Variants in TIAM1 observed in about 807,000 individuals in gnomAD.
TIAM1 encodes rho guanine nucleotide exchange factor TIAM1.
A neutral mutation model predicts 163.5 loss-of-function variants in TIAM1; 65 were observed. The observed-to-expected ratio is 0.40, with a 90% CI of 0.33 to 0.49. The LOEUF (loss-of-function observed/expected upper bound fraction) is 0.49. Among genes scored for constraint, TIAM1 ranks in the 20% least tolerant of loss-of-function variants. The pLI is 0.77. For synonymous variants in TIAM1, 833 were observed against 810.1 expected (o/e 1.03, Z -0.48); for missense variants, 1,789 against 2,044.7 (o/e 0.87, Z 2.41).
At chr21:31,365,715 G>A (rs754946001) in intron 2 of TIAM1, among the ~76,000 whole-genome samples, 2 of 151,908 alleles carry the variant, frequency 1.3e-5, no homozygotes, top group Non-Finnish European at 2.9e-5. Context: ...TAAATCTTCA[G>A]CACTTGGCAT....
intron 6 of TIAM1, among the ~76,000 whole-genome samples, chr21:31,227,130 T>C (rs961473933): frequency 4.6e-5 from 7 of 151,892 alleles, no homozygotes; most frequent in African/African-American, 1.5e-4. Flanking sequence ...CTAAGTTTTA[T>C]ATTTTTAGTA....
chr21:31,539,186 T>G (rs990993611), intron 1 of TIAM1, among the ~76,000 whole-genome samples: 1 of 151,684 alleles, frequency 6.6e-6, no homozygotes. Flanking sequence ...TTAAATGGTC[T>G]CGACTAAATA....
intron 2 of TIAM1, among the ~76,000 whole-genome samples, chr21:31,429,071 C>T (rs949064300): frequency 1.3e-5 from 2 of 151,220 alleles, no homozygotes; most frequent in Admixed American, 6.6e-5. Context: ...GCGATCATGC[C>T]TCACTGCAAC....
intron 6 of TIAM1, among the ~76,000 whole-genome samples, chr21:31,227,276 T>C (rs1215864470): frequency 2.0e-5 from 3 of 152,078 alleles, no homozygotes; most frequent in Admixed American, 6.6e-5. Flanking sequence ...CAACATTCTA[T>C]TAACAGGAAC....
chr21:31,370,081 C>T (rs2076570800), intron 2 of TIAM1, among the ~76,000 whole-genome samples: 1 of 152,156 alleles, frequency 6.6e-6, no homozygotes, highest in Admixed American at 6.5e-5. Flanking sequence ...GGAAGCAGGC[C>T]CTCACCAGGC....
chr21:31,175,890 C>T (rs907697535), intron 15 of TIAM1, among the ~76,000 whole-genome samples: 2 of 152,254 alleles, frequency 1.3e-5, no homozygotes, highest in East Asian at 1.9e-4. Flanking sequence ...TGAGCCACTG[C>T]GCCCGGCCTA....
rs116323141 is a variant in TIAM1, at chr21:31,552,435, C to T, written c.-422+6492G>A. Among the ~76,000 whole-genome samples the T allele has an allele frequency of 1.9e-3, 287 of 152,218 alleles. 1 individual carries two copies. Among genetic ancestry groups the T allele is most frequent in the African/African-American group, 6.6e-3 (273 of 41,532 alleles). On this transcript the variant is annotated intron_variant, in intron 1 of 28. Transcript: ENST00000286827. ...ACTCAAGTTTGATAGACAAAAACTG[C>T]GTCCCTACTACAAAGGTAGCTGAGA...
At chr21:31,212,446 A>T (rs1035807964) in intron 10 of TIAM1, among the ~76,000 whole-genome samples, 1 of 152,118 alleles carries the variant, frequency 6.6e-6, no homozygotes, top group Non-Finnish European at 1.5e-5. Context: ...GGCTCCCAGT[A>T]TCACTACTAG....
chr21:31,466,734 CCTT>C (rs1351094296), intron 1 of TIAM1, among the ~76,000 whole-genome samples: 1 of 152,188 alleles, frequency 6.6e-6, no homozygotes, highest in Non-Finnish European at 1.5e-5. Flanking sequence ...CCACATAACA[CCTT>C]CTAGTTTCTC....
intron 2 of TIAM1, among the ~76,000 whole-genome samples, chr21:31,418,900 G>A (rs547889996): frequency 1.1e-3 from 169 of 152,292 alleles, no homozygotes; most frequent in Non-Finnish European, 2.1e-3. Flanking sequence ...AGAAAAAGGA[G>A]TCAAGGTCAC....
At chr21:31,310,335 G>T (rs913114781) in intron 2 of TIAM1, among the ~76,000 whole-genome samples, 1 of 152,156 alleles carries the variant, frequency 6.6e-6, no homozygotes. Flanking sequence ...TTGGGTCCTT[G>T]TATGACCACA....
intron 8 of TIAM1, among the ~76,000 whole-genome samples, chr21:31,222,698 TATATA>T (rs1329830685): frequency 1.4e-3 from 60 of 41,490 alleles, no homozygotes; most frequent in African/African-American, 4.8e-3. Context: ...TATATATATA[TATATA>T]TATATTTTTT....
At position 31,120,308 on chromosome 21, in the gene TIAM1, G is replaced by A. The variant is rs899226396; in HGVS notation, c.*60C>T. ...GACATTCTTGTCGACGGTACAGGAG[G>A]GTGGGCAGAGTTAGGGCAGGAAGTA... On this transcript the variant is annotated 3_prime_UTR_variant, in exon 28 of 28. Transcript: ENST00000541036. The surrounding 1 kb of genome is among the most constrained non-coding windows in gnomAD (Gnocchi z 4.2). The A allele has an allele frequency of 2.8e-5, 42 of 1,490,784 alleles. No individual in the cohort carries two copies. The highest frequency in any genetic ancestry group is 4.0e-5 in the South Asian group (3 of 75,588). The allele number at this position is 1,490,784 out of a possible 1,614,324, so 92.3% of individuals were successfully genotyped here. A position where few individuals can be genotyped will look rare whatever the true frequency, so the allele number is the denominator to read the frequency against.
chr21:31,306,284 T>TA (rs552648285), intron 2 of TIAM1, among the ~76,000 whole-genome samples: 100 of 144,252 alleles, frequency 6.9e-4, no homozygotes, highest in African/African-American at 1.6e-3. Flanking sequence ...ACCCTGTCTC[T>TA]AAAAAAAAAA....
chr21:31,169,364 T>A (rs944922155), intron 15 of TIAM1, among the ~76,000 whole-genome samples: 1 of 151,918 alleles, frequency 6.6e-6, no homozygotes, highest in African/African-American at 2.4e-5. Flanking sequence ...CCAGGTAAAT[T>A]AATAGAATTT....
rs76884305 is a variant in TIAM1, at chr21:31,209,915, C to T, written c.2388+130G>A. 2,606 of 919,426 alleles carry T rather than the reference C, an allele frequency of 2.8e-3. 22 individuals are homozygous for T. Among genetic ancestry groups the T allele is most frequent in the African/African-American group, 0.023 (1,412 of 60,102 alleles). The allele number at this position is 919,426 out of a possible 1,614,324, so 57.0% of individuals were successfully genotyped here. On this transcript the variant is annotated intron_variant, in intron 11 of 27. Transcript: ENST00000541036. The stretch of plus-strand genomic sequence containing the variant: ...ATCACAAAGGAATGCAATGCTGCTC[C>T]GAAATGAAAGGGAGGTGTGTTTTAA...
rs1346090661 is a variant in TIAM1 at position 31,223,607 on chromosome 21, C to A, written c.1810-16G>T. Reference sequence around the variant, plus strand: ...AGACAAAGATCTATGGTAGTGAAAACACGGGAAAAGAAAAAGTGAGAAAAT... The same window carrying A: ...AGACAAAGATCTATGGTAGTGAAAAAACGGGAAAAGAAAAAGTGAGAAAAT... On this transcript the variant is annotated splice_polypyrimidine_tract_variant and intron_variant, in intron 7 of 27. Coordinates refer to ENST00000541036, the MANE Select transcript of TIAM1 (RefSeq NM_001353694.2). 2 of 1,570,740 alleles carry A rather than the reference C, an allele frequency of 1.3e-6. No homozygotes were observed. The highest frequency in any genetic ancestry group is 1.9e-5 in the Admixed American group (1 of 52,036).
chr21:31,453,851 C>T (rs2044981509), intron 2 of TIAM1, among the ~76,000 whole-genome samples: 1 of 152,050 alleles, frequency 6.6e-6, no homozygotes, highest in African/African-American at 2.4e-5. Flanking sequence ...CATGACCTGG[C>T]CTGCTTGACC....
chr21:31,236,361 A>G (rs773988421), intron 6 of TIAM1, among the ~76,000 whole-genome samples: 6 of 152,200 alleles, frequency 3.9e-5, no homozygotes, highest in Non-Finnish European at 8.8e-5. Context: ...AAATATTTCT[A>G]CAGTGGCTGG....
Sources: gnomAD v4.1 joint callset for allele counts (sites outside exome capture counted in the v4.1 genomes callset) on GRCh38, gnomAD v4.1.1 for gene constraint, Gnocchi (gnomAD v3.1) non-coding constraint, MANE v1.5 for transcripts, NCBI Gene and HGNC (gene_info 2026-07-23, HGNC 2026-07-21) for gene names.